Variants in ZBTB20 observed in about 807,000 individuals in gnomAD.
The protein encoded by ZBTB20 is zinc finger and BTB domain containing 20, also known as zinc finger and BTB domain-containing protein 20.
In ZBTB20, 9 loss-of-function variants were observed where a neutral mutation model predicts 56.9. The ratio of observed to expected loss-of-function variants is 0.16; its 90% CI spans 0.10 to 0.28. The LOEUF (loss-of-function observed/expected upper bound fraction) is 0.28. ZBTB20 is among the 10% of genes least tolerant of loss of function. The pLI, the probability that ZBTB20 is intolerant of heterozygous loss-of-function variation, is 1.00. For synonymous variants in ZBTB20, 417 were observed against 420.7 expected, an observed-to-expected ratio of 0.99 and a Z score of 0.11; for missense variants, 655 against 1,003.0, an observed-to-expected ratio of 0.65 and a Z score of 4.69.
intron 5 of ZBTB20, among the ~76,000 whole-genome samples, chr3:114,748,342 T>TTCG (rs2067265653): frequency 2.1e-5 from 1 of 48,518 alleles, no homozygotes; most frequent in African/African-American, 5.3e-5. Flanking sequence ...TTCTTCTTTC[T>TTCG]TTCTTTCTTT....
chr3:114,449,442 G>A (rs2091465157), intron 7 of ZBTB20, among the ~76,000 whole-genome samples: 1 of 152,136 alleles, frequency 6.6e-6, no homozygotes, highest in Non-Finnish European at 1.5e-5. Context: ...GGTCATCGCA[G>A]ACTTGAGAAA....
chr3:114,329,735 A>ACAAC lies in ZBTB20; in HGVS notation c.*9269_*9270insGTTG, dbSNP rs1488069253. ...AAAAAAAAAAAAAAAAAAAAAAAAA[A>ACAAC]AACAACTCCCAGGAAAATGAACACT... On this transcript the variant is annotated 3_prime_UTR_variant, in exon 12 of 12. Transcript: ENST00000675478. 2.9e-3 allele frequency: 396 copies of ACAAC among 138,676 alleles called. 4 individuals are homozygous for ACAAC. The highest frequency in any genetic ancestry group is 0.011 in the African/African-American group (371 of 32,932). The allele number at this position is 138,676 out of a possible 1,614,324, so 8.6% of individuals were successfully genotyped here.
intron 7 of ZBTB20, among the ~76,000 whole-genome samples, chr3:114,410,517 G>A (rs2087832826): frequency 6.6e-6 from 1 of 152,092 alleles, no homozygotes. Flanking sequence ...GCATTCTCCA[G>A]AACAAAAACA....
At chr3:114,724,822 G>A (rs925298346) in intron 5 of ZBTB20, among the ~76,000 whole-genome samples, 2 of 152,052 alleles carry the variant, frequency 1.3e-5, no homozygotes, top group African/African-American at 4.8e-5. Context: ...GATTTGATTT[G>A]CCAAAGAAAA....
Position 114,351,328 on chromosome 3 carries a change from G to A in ZBTB20, c.750C>T (p.Cys250=), listed in dbSNP as rs1230898999. ...GCTCGCCGCTGCCATTCTGCATGGA[G>A]CACGCGTAGAGTGCCGAGTAGATCC... is the stretch of plus-strand genomic sequence containing the variant. The part of the protein sequence containing the change: ...VDRIYSALYA[C]SMQNGSGERS... The change falls in exon 11 of 12, where the codon TGC becomes TGT. Residue 250 remains cysteine, a synonymous_variant. Transcript: ENST00000675478. The A allele has an allele frequency of 3.7e-6, 6 of 1,608,024 alleles. 1 individual carries two copies. In the Admixed American group the frequency reaches 8.3e-5, roughly 22 times the overall value.
rs545837270 is a variant in ZBTB20 at position 114,726,287 on chromosome 3, TA to T, written c.-342-32713del. Among the ~76,000 whole-genome samples, 697 of 151,834 alleles carry T rather than the reference TA, an allele frequency of 4.6e-3. 3 individuals are homozygous for T. The highest frequency in any genetic ancestry group is 0.015 in the African/African-American group (636 of 41,398). On this transcript the variant is annotated intron_variant, in intron 5 of 11. Transcript: ENST00000675478. ...AAGTTAAAAAGTGTTTAACGACTGTTAAAAAAAACAGTTTAGGATGAAGCCA... is the reference window on the plus strand; with the variant it reads ...AAGTTAAAAAGTGTTTAACGACTGTTAAAAAAACAGTTTAGGATGAAGCCA...
At chr3:114,724,066 G>T (rs2065103856) in intron 5 of ZBTB20, among the ~76,000 whole-genome samples, 1 of 151,780 alleles carries the variant, frequency 6.6e-6, no homozygotes, top group Non-Finnish European at 1.5e-5. Flanking sequence ...GTAGAGACGG[G>T]GTTTCACCGT....
At chr3:114,814,008 A>T (rs1255262847) in intron 4 of ZBTB20, among the ~76,000 whole-genome samples, 1 of 151,988 alleles carries the variant, frequency 6.6e-6, no homozygotes, top group African/African-American at 2.4e-5. Context: ...GTTAATATTT[A>T]TCTTGATATT....
chr3:114,604,558 T>C (rs1311864494), intron 6 of ZBTB20, among the ~76,000 whole-genome samples: 1 of 151,998 alleles, frequency 6.6e-6, no homozygotes, highest in African/African-American at 2.4e-5. Context: ...AAATGAAAGA[T>C]AATCTCATAT....
chr3:114,899,923 TAAACTC>T (rs2075039736), intron 4 of ZBTB20, among the ~76,000 whole-genome samples: 1 of 151,796 alleles, frequency 6.6e-6, no homozygotes, highest in African/African-American at 2.4e-5. Flanking sequence ...TCACAGAAAA[TAAACTC>T]AAAAGCAGCA....
At chr3:114,647,759 A>G (rs2059926444) in intron 6 of ZBTB20, among the ~76,000 whole-genome samples, 1 of 152,172 alleles carries the variant, frequency 6.6e-6, no homozygotes, top group Non-Finnish European at 1.5e-5. Context: ...GGATTTGGCT[A>G]GTAATCATGA....
chr3:114,662,255 T>C (rs1043088292), intron 6 of ZBTB20, among the ~76,000 whole-genome samples: 17 of 152,050 alleles, frequency 1.1e-4, no homozygotes, highest in Admixed American at 1.0e-3. Context: ...TATGGCTGCA[T>C]AGTATTCCAT....
At chr3:114,961,999 T>C (rs1001247494) in intron 3 of ZBTB20, among the ~76,000 whole-genome samples, 21 of 152,080 alleles carry the variant, frequency 1.4e-4, no homozygotes, top group Non-Finnish European at 2.9e-5. Flanking sequence ...GAAGGATAGA[T>C]TTTTGTCCAT....
intron 7 of ZBTB20, among the ~76,000 whole-genome samples, chr3:114,393,204 G>T (rs2086040313): frequency 6.7e-6 from 1 of 149,168 alleles, no homozygotes; most frequent in African/African-American, 2.5e-5. Context: ...TCATAAGGCT[G>T]GACAGATTAT....
At chr3:114,626,489 G>T (rs1241487772) in intron 6 of ZBTB20, among the ~76,000 whole-genome samples, 2 of 152,114 alleles carry the variant, frequency 1.3e-5, no homozygotes, top group Non-Finnish European at 2.9e-5. Flanking sequence ...TCCAGTGAAA[G>T]AATCCCCCTC....
chr3:114,653,824 T>G (rs2060256275), intron 6 of ZBTB20, among the ~76,000 whole-genome samples: 1 of 152,006 alleles, frequency 6.6e-6, no homozygotes, highest in Non-Finnish European at 1.5e-5. Flanking sequence ...TTTTGATTTC[T>G]TTGGTTTACT....
intron 6 of ZBTB20, among the ~76,000 whole-genome samples, chr3:114,689,621 A>C (rs2062576818): frequency 2.0e-5 from 3 of 151,568 alleles, no homozygotes; most frequent in Admixed American, 2.0e-4. Flanking sequence ...ACCAAGAAGC[A>C]AATGCTATCA....
At position 114,316,228 on chromosome 3, in the gene ZBTB20, G is replaced by A. The variant is rs1191332062; in HGVS notation, c.*22777C>T. 9.5e-6 allele frequency: 3 copies of A among 316,696 alleles called. No homozygotes were observed. Among genetic ancestry groups the A allele is most frequent in the Non-Finnish European group, 1.8e-5 (3 of 169,116 alleles). The allele number at this position is 316,696 out of a possible 1,614,324, so 19.6% of individuals were successfully genotyped here. ...CATTACTGCATTCGCATCGGATCAA[G>A]ATGGTTTCGCCCATTTTTCCTTTTT... is the stretch of plus-strand genomic sequence containing the variant. On this transcript the variant is annotated 3_prime_UTR_variant, in exon 12 of 12. Transcript: ENST00000675478.
intron 2 of ZBTB20, among the ~76,000 whole-genome samples, chr3:114,997,539 GGAAA>G (rs940818514): frequency 4.0e-5 from 6 of 151,512 alleles, no homozygotes; most frequent in Non-Finnish European, 1.5e-5. Flanking sequence ...TGAAATGTTA[GGAAA>G]GAGTTTTCTT....
Sources: gnomAD v4.1 joint callset for allele counts (sites outside exome capture counted in the v4.1 genomes callset) on GRCh38, gnomAD v4.1.1 for gene constraint, MANE v1.5 for transcripts, NCBI Gene and HGNC (gene_info 2026-07-23, HGNC 2026-07-21) for gene names.